The following GREB1 variants were observed in gnomAD, a reference collection of about 807,000 sequenced individuals.
The protein encoded by GREB1 is protein GREB1.
Under a neutral mutation model 200.7 loss-of-function variants are expected in GREB1, and 106 were observed. The observed-to-expected ratio is 0.53, with a 90% CI of 0.45 to 0.62. GREB1 has a LOEUF of 0.62. Ranked by LOEUF, GREB1 falls within the 20% of genes least tolerant of loss-of-function variation. The pLI, the probability that GREB1 is intolerant of heterozygous loss-of-function variation, is 0.00. For synonymous variants in GREB1, 1,132 were observed against 1,092.4 expected (o/e 1.04, Z -0.72); for missense variants, 2,243 against 2,556.8 (o/e 0.88, Z 2.65).
At chr2:11,519,411 G>A (rs1252323240) in intron 1 of GREB1, among the ~76,000 whole-genome samples, 5 of 146,214 alleles carry the variant, frequency 3.4e-5, no homozygotes, top group Non-Finnish European at 6.0e-5. Flanking sequence ...GTAATTTCCT[G>A]GTCTTAGCCT....
At chr2:11,527,560 A>G (rs1673929296) in intron 1 of GREB1, among the ~76,000 whole-genome samples, 1 of 152,232 alleles carries the variant, frequency 6.6e-6, no homozygotes, top group Admixed American at 6.5e-5. Context: ...GGACCTGGGC[A>G]TCTGGTGGAT....
intron 1 of GREB1, among the ~76,000 whole-genome samples, chr2:11,500,809 A>G (rs4668729): frequency 0.98 from 149,084 of 152,320 alleles, 73,001 homozygotes; most frequent in South Asian, 1. Flanking sequence ...ACAGCAGGGA[A>G]TGGTAAGATT....
intron 1 of GREB1, among the ~76,000 whole-genome samples, chr2:11,498,744 C>T (rs896024635): frequency 5.3e-5 from 8 of 152,170 alleles, no homozygotes; most frequent in East Asian, 1.9e-4. Context: ...CACTGACCCA[C>T]GGGTGGAGCT....
chr2:11,609,764 A>G (rs556181353), intron 17 of GREB1, among the ~76,000 whole-genome samples: 35 of 152,346 alleles, frequency 2.3e-4, no homozygotes, highest in African/African-American at 7.5e-4. Context: ...CAGAAATGCT[A>G]TCAAGTGCTG....
At chr2:11,531,211 G>GT (rs1156399829), upstream of GREB1, among the ~76,000 whole-genome samples, 1 of 152,174 alleles carries the variant, frequency 6.6e-6, no homozygotes, top group Non-Finnish European at 1.5e-5. Context: ...CTGTGGGAGT[G>GT]TAGTTGCTTG....
At chr2:11,501,911 T>G (rs1317853025) in intron 1 of GREB1, among the ~76,000 whole-genome samples, 4 of 104,238 alleles carry the variant, frequency 3.8e-5, no homozygotes, top group African/African-American at 1.7e-4. Flanking sequence ...TTTTGTTTTT[T>G]TTTTTTTTTT....
chr2:11,559,746 T>C (rs1676799591), intron 2 of GREB1, among the ~76,000 whole-genome samples: 1 of 152,238 alleles, frequency 6.6e-6, no homozygotes, highest in Admixed American at 6.5e-5. Context: ...CATGACTCTT[T>C]ACACCTTCTG....
At chr2:11,487,081 C>T (rs1340050478) in intron 1 of GREB1, among the ~76,000 whole-genome samples, 2 of 151,968 alleles carry the variant, frequency 1.3e-5, no homozygotes, top group Non-Finnish European at 2.9e-5. Flanking sequence ...ATTTCTTTGA[C>T]ATTATTATTT....
In GREB1 at chr2:11,616,718, C is replaced by T; in HGVS notation, c.3410C>T (p.Ser1137Phe). 6.2e-7 allele frequency: 1 copy of T among 1,600,046 alleles called. No individual in the cohort carries two copies. Among genetic ancestry groups the T allele is most frequent in the Middle Eastern group, 1.7e-4 (1 of 6,042 alleles). ...SASSSLSSKA[S>F]GSALGGESSA... ...TCCTCATCCCTCTCCTCCAAGGCTT[C>T]CGGTGAGTCTTCCCACACGGGAAGG... The change falls in exon 21 of 33, where the codon TCC becomes TTC. Residue 1137 changes from serine (S) to phenylalanine (F), a missense_variant and splice_region_variant. This residue lies in a region of GREB1 where 587 missense variants were observed against 553.1 expected (regional missense o/e 1.06). Coordinates refer to ENST00000381486, the MANE Select transcript of GREB1 (RefSeq NM_014668.4).
intron 1 of GREB1, among the ~76,000 whole-genome samples, chr2:11,529,044 C>T (rs1429826289): frequency 1.3e-5 from 2 of 152,142 alleles, no homozygotes; most frequent in Non-Finnish European, 2.9e-5. Flanking sequence ...CACCAGAATT[C>T]AGAGAATCTG....
At chr2:11,550,291 A>C (rs1313155306) in intron 1 of GREB1, among the ~76,000 whole-genome samples, 3 of 152,164 alleles carry the variant, frequency 2.0e-5, no homozygotes, top group Non-Finnish European at 4.4e-5. Context: ...AGGTGATTGG[A>C]TATGGATCTG....
chr2:11,598,493 G>C (rs1681468151), intron 14 of GREB1, among the ~76,000 whole-genome samples, 187 bp from the exon 15 acceptor site: 1 of 152,244 alleles, frequency 6.6e-6, no homozygotes, highest in Non-Finnish European at 1.5e-5. Flanking sequence ...CTGCGCCCCA[G>C]CTCCTGTGCA....
intron 1 of GREB1, among the ~76,000 whole-genome samples, chr2:11,521,266 T>C (rs1385593939): frequency 2.0e-5 from 3 of 152,018 alleles, no homozygotes; most frequent in Non-Finnish European, 4.4e-5. Flanking sequence ...TGTGCCACCA[T>C]ACCAAGCTAA....
At position 11,596,046 on chromosome 2, in the gene GREB1, C is replaced by T. The variant is rs1461417611; in HGVS notation, c.1826-65C>T. ...TCGGGACAGTACCTGACACTAACTG[C>T]GCTGTAGATGTTTGCTGAATTTCAC... On this transcript the variant is annotated intron_variant, in intron 12 of 32. Transcript: ENST00000381486. 1.4e-5 allele frequency: 21 copies of T among 1,508,620 alleles called. 1 individual carries two copies. The highest frequency in any genetic ancestry group is 9.6e-5 in the African/African-American group (7 of 73,062). 93.5% of individuals were successfully genotyped at this position (1,508,620 alleles called of 1,614,324 possible). A position where few individuals can be genotyped will look rare whatever the true frequency, so the allele number is the denominator to read the frequency against.
chr2:11,565,498 G>C (rs1012188332), intron 3 of GREB1, among the ~76,000 whole-genome samples: 8 of 152,208 alleles, frequency 5.3e-5, no homozygotes, highest in Non-Finnish European at 1.0e-4. Context: ...TCAGTCGGGA[G>C]CTAAAGCTAC....
At chr2:11,499,342 T>G (rs1558484576) in intron 1 of GREB1, among the ~76,000 whole-genome samples, 1 of 152,234 alleles carries the variant, frequency 6.6e-6, no homozygotes, top group Non-Finnish European at 1.5e-5. Context: ...CTGCAGCCAG[T>G]GCTACGAGAA....
intron 4 of GREB1, among the ~76,000 whole-genome samples, chr2:11,571,604 G>A (rs976660804): frequency 6.6e-6 from 1 of 152,158 alleles, no homozygotes; most frequent in Non-Finnish European, 1.5e-5. Flanking sequence ...CGTTGCTACC[G>A]GTACTTCTGC....
intron 17 of GREB1, among the ~76,000 whole-genome samples, chr2:11,609,972 A>T (rs1682768674): frequency 6.6e-6 from 1 of 152,180 alleles, no homozygotes; most frequent in South Asian, 2.1e-4. Flanking sequence ...GTTGAGAAAC[A>T]CCATCATCTA....
rs540542102 is a variant in GREB1, at chr2:11,489,319, C to T, written c.-159+6938C>T. 1.1e-4 allele frequency among the ~76,000 whole-genome samples: 17 copies of T among 152,020 alleles called. No individual in the cohort carries two copies. In the East Asian group the frequency reaches 2.7e-3, roughly 24 times the overall value. On this transcript the variant is annotated intron_variant, in intron 1 of 2. Transcript: ENST00000628795. Reference sequence around the variant, plus strand: ...AAATTAGCCACAAAAATTAGCCGGGCGTGGTGGCGCGTGCCTGTAATCCCA... The same window carrying T: ...AAATTAGCCACAAAAATTAGCCGGGTGTGGTGGCGCGTGCCTGTAATCCCA...
Sources: allele counts gnomAD v4.1 joint callset (sites outside exome capture counted in the v4.1 genomes callset), GRCh38; gene constraint gnomAD v4.1.1; regional missense constraint gnomAD v4.1.1; transcripts MANE v1.5; gene names NCBI Gene and HGNC (gene_info 2026-07-23, HGNC 2026-07-21).